PARP15: variants seen among roughly 807,000 people sequenced by gnomAD.
The protein encoded by PARP15 is poly(ADP-ribose) polymerase family member 15.
PARP15 carries 50 observed loss-of-function variants against 62.1 expected under a neutral mutation model. The observed-to-expected ratio is 0.81, with a 90% confidence interval of 0.64 to 1.02. The LOEUF (loss-of-function observed/expected upper bound fraction) is 1.02, where lower values mean the gene tolerates loss of function less well. Ranked by LOEUF, PARP15 falls within the 50% of genes least tolerant of loss-of-function variation. PARP15 has a pLI of 0.00. For missense variants in PARP15, 820 were observed against 826.5 expected (o/e 0.99, Z 0.10); for synonymous variants, 309 against 293.1 (o/e 1.05, Z -0.55).
At chr3:122,583,114 C>CTTTTTTTTTTTTTTTTTTTTTT in intron 1 of PARP15, among the ~76,000 whole-genome samples, 1 of 83,486 alleles carries the variant, frequency 1.2e-5, no homozygotes, top group East Asian at 4.1e-4. Flanking sequence ...TCATCTGTAT[C>CTTTTTTTTTTTTTTTTTTTTTT]TTTTTTTTTT....
At chr3:122,626,801 T>G in intron 8 of PARP15, 26 bp from the exon 9 acceptor site, 1 of 1,600,940 alleles carries the variant, frequency 6.2e-7, no homozygotes, top group Non-Finnish European at 8.5e-7. Flanking sequence ...GGGGGAAACT[T>G]CTTTGTCATT....
At chr3:122,634,514 A>G (rs11716890) in intron 10 of PARP15, among the ~76,000 whole-genome samples, 2 of 152,096 alleles carry the variant, frequency 1.3e-5, no homozygotes, top group Non-Finnish European at 2.9e-5. Context: ...TTGAAATGCT[A>G]TTCAGAGGTC....
At chr3:122,615,144 G>A (rs970369673) in intron 4 of PARP15, 1 of 1,128,046 alleles carries the variant, frequency 8.9e-7, no homozygotes, top group East Asian at 6.7e-5. Flanking sequence ...GACAACCCAA[G>A]TGAAACTTTA....
At position 122,615,746 on chromosome 3, in the gene PARP15, A is replaced by G. The variant is rs772811515; in HGVS notation, c.772-33A>G. On this transcript the variant is annotated intron_variant, in intron 4 of 11. Coordinates refer to ENST00000464300, the MANE Select transcript of PARP15 (RefSeq NM_001113523.3). ...AATTGGATTAATATTTTTACACAAT[A>G]TTGTTGTAGTCAGTAACTGTTTCTA... 7 of 1,607,980 alleles carry G rather than the reference A, an allele frequency of 4.4e-6. No individual in the cohort carries two copies. The East Asian group carries it at 1.6e-4, about 36-fold the overall frequency.
At chr3:122,582,507 G>T (rs989344158) in intron 1 of PARP15, among the ~76,000 whole-genome samples, 2 of 152,200 alleles carry the variant, frequency 1.3e-5, no homozygotes, top group African/African-American at 4.8e-5. Flanking sequence ...GACAGTTAAA[G>T]ATATTGCTCT....
intron 7 of PARP15, among the ~76,000 whole-genome samples, chr3:122,620,395 T>G (rs1370054150): frequency 2.0e-5 from 3 of 152,172 alleles, no homozygotes; most frequent in African/African-American, 7.2e-5. Flanking sequence ...ATAAACTGTT[T>G]GTCCTTCAAA....
intron 6 of PARP15, among the ~76,000 whole-genome samples, chr3:122,618,393 T>G (rs1182995025): frequency 1.3e-5 from 2 of 152,146 alleles, no homozygotes; most frequent in East Asian, 1.9e-4. Context: ...GAACAAAAGA[T>G]AACAAATTTT....
At chr3:122,603,748 C>A (rs753591090) in intron 1 of PARP15, among the ~76,000 whole-genome samples, 2 of 152,184 alleles carry the variant, frequency 1.3e-5, no homozygotes, top group Non-Finnish European at 2.9e-5. Flanking sequence ...TTTCATCAAA[C>A]ATACCAGTGT....
intron 1 of PARP15, among the ~76,000 whole-genome samples, chr3:122,588,481 G>C (rs1011375729): frequency 1.3e-5 from 2 of 151,748 alleles, no homozygotes; most frequent in African/African-American, 4.8e-5. Flanking sequence ...TGTTTACTGA[G>C]TCCACTGCTA....
intron 5 of PARP15, among the ~76,000 whole-genome samples, chr3:122,616,391 G>A (rs1033489751): frequency 1.3e-5 from 2 of 149,212 alleles, no homozygotes; most frequent in Admixed American, 1.3e-4. Flanking sequence ...GTGCAGTGGC[G>A]TGATCTTGGC....
At chr3:122,619,519 G>A (rs2107565011) in intron 6 of PARP15, among the ~76,000 whole-genome samples, 1 of 152,250 alleles carries the variant, frequency 6.6e-6, no homozygotes, top group Admixed American at 6.5e-5. Context: ...TCAAATAACT[G>A]CAAAAACAGT....
rs371740836 is a variant in PARP15 at position 122,613,265 on chromosome 3, T to C, written c.768T>C (p.Cys256=). The C allele has an allele frequency of 2.5e-4, 388 of 1,539,480 alleles. 1 individual carries two copies. In the African/African-American group the frequency reaches 4.8e-3, roughly 19 times the overall value. Reference sequence around the variant, plus strand: ...TATATACAAATGACGATGAAGGCTGTCAGGTATGGTTACATATCCCATCTG... The same window carrying C: ...TATATACAAATGACGATGAAGGCTGCCAGGTATGGTTACATATCCCATCTG... ...FLVYTNDDEG[C]QAFLDEFTNW... Residue 256 remains cysteine (C), a synonymous_variant, in exon 4 of 12, where the codon TGT becomes TGC. Coordinates refer to ENST00000464300, the MANE Select transcript of PARP15 (RefSeq NM_001113523.3).
intron 1 of PARP15, among the ~76,000 whole-genome samples, chr3:122,605,277 T>C (rs1031371457): frequency 2.0e-5 from 3 of 152,068 alleles, no homozygotes; most frequent in African/African-American, 7.2e-5. Flanking sequence ...CCAAATGAGA[T>C]TTGGCACTAG....
At chr3:122,627,575 A>G (rs1936813761) in intron 9 of PARP15, among the ~76,000 whole-genome samples, 1 of 152,128 alleles carries the variant, frequency 6.6e-6, no homozygotes, top group African/African-American at 2.4e-5. Flanking sequence ...TCCTCCTCTG[A>G]TTTCGTTTTC....
At chr3:122,615,570 T>TA (rs752144543) in intron 4 of PARP15, 16 of 1,230,616 alleles carry the variant, frequency 1.3e-5, no homozygotes, top group Non-Finnish European at 1.7e-5. Flanking sequence ...AGTGTTAGTT[T>TA]ACTCACAAAG....
At chr3:122,589,433 T>G (rs1260173683) in intron 1 of PARP15, among the ~76,000 whole-genome samples, 1 of 152,130 alleles carries the variant, frequency 6.6e-6, no homozygotes, top group Non-Finnish European at 1.5e-5. Flanking sequence ...TTTTCACGCC[T>G]CTTGGGTATA....
chr3:122,606,270 G>A (rs1414365768), intron 2 of PARP15, among the ~76,000 whole-genome samples: 1 of 152,132 alleles, frequency 6.6e-6, no homozygotes, highest in Non-Finnish European at 1.5e-5. Flanking sequence ...AGGGGTTCAA[G>A]TTTAACCACA....
intron 1 of PARP15, among the ~76,000 whole-genome samples, chr3:122,584,012 G>A (rs1933196547): frequency 2.9e-5 from 1 of 34,296 alleles, no homozygotes; most frequent in Non-Finnish European, 1.0e-4. Context: ...CGCTCTCCAT[G>A]TGGTAAGCCT....
intron 10 of PARP15, among the ~76,000 whole-genome samples, chr3:122,632,995 T>C (rs1368550343): frequency 1.3e-5 from 2 of 152,174 alleles, no homozygotes; most frequent in Non-Finnish European, 2.9e-5. Flanking sequence ...TATCACGAGG[T>C]CATTATCATA....
Sources: gnomAD v4.1 joint callset for allele counts (sites outside exome capture counted in the v4.1 genomes callset) on GRCh38, gnomAD v4.1.1 for gene constraint, MANE v1.5 for transcripts, NCBI Gene and HGNC (gene_info 2026-07-23, HGNC 2026-07-21) for gene names.